Variants in AFF1 observed in about 807,000 individuals in gnomAD.
AFF1 encodes ALF transcription elongation factor 1, also known as AF4/FMR2 family member 1.
Under a neutral mutation model 121.7 loss-of-function variants are expected in AFF1, and 48 were observed. The ratio of observed to expected loss-of-function variants is 0.39; its 90% CI spans 0.31 to 0.50. The LOEUF (loss-of-function observed/expected upper bound fraction) is 0.50. Ranked by LOEUF, AFF1 falls within the 20% of genes least tolerant of loss-of-function variation. The pLI, the probability that AFF1 is intolerant of heterozygous loss-of-function variation, is 0.76. For synonymous variants in AFF1, 613 were observed against 563.0 expected, an observed-to-expected ratio of 1.09 and a Z score of -1.26; for missense variants, 1,523 against 1,511.7, an observed-to-expected ratio of 1.01 and a Z score of -0.12.
At chr4:86,987,490 T>C (rs995242372) in intron 2 of AFF1, among the ~76,000 whole-genome samples, 2 of 152,134 alleles carry the variant, frequency 1.3e-5, no homozygotes, top group Non-Finnish European at 2.9e-5. Flanking sequence ...ATGTATAGAC[T>C]GGGATGAGTT....
At position 87,047,040 on chromosome 4, in the gene AFF1, G is replaced by A. The variant is rs1160911300; in HGVS notation, c.505G>A (p.Asp169Asn). The change falls in exon 4 of 21, where the codon GAT (aspartate) becomes AAT (asparagine). Residue 169 changes from aspartate to asparagine, a missense_variant. Physicochemically the swap from Asp to Asn is conservative, Grantham distance 23 (BLOSUM62 1). Coordinates refer to ENST00000395146, the MANE Select transcript of AFF1 (RefSeq NM_001166693.3). ...ACCGGACAGCCAGCACCTGACCCAG[G>A]ATCGCCTTGGTCAGGAGGGGTTCGG... ...GPPDSQHLTQ[D>N]RLGQEGFGSS... 1 of 1,614,040 alleles carries A rather than the reference G, an allele frequency of 6.2e-7. No homozygotes were observed. The highest frequency in any genetic ancestry group is 1.3e-5 in the African/African-American group (1 of 74,910).
rs140499367 is a variant in AFF1 at position 86,958,915 on chromosome 4, G to A, written c.38+10344G>A. ...TATGTCCTACTTCTTGGATTTGTTTGTTTCCTATTAATGCGTTTAACTTGT... is the reference window on the plus strand; with the variant it reads ...TATGTCCTACTTCTTGGATTTGTTTATTTCCTATTAATGCGTTTAACTTGT... On this transcript the variant is annotated intron_variant, in intron 2 of 20. Transcript: ENST00000395146. 1.9e-3 allele frequency among the ~76,000 whole-genome samples: 293 copies of A among 152,198 alleles called. 2 individuals are homozygous for A. Among genetic ancestry groups the A allele is most frequent in the Admixed American group, 5.4e-3 (83 of 15,296 alleles).
intron 2 of AFF1, among the ~76,000 whole-genome samples, chr4:86,959,643 C>A (rs1003271424): frequency 1.4e-4 from 22 of 152,032 alleles, no homozygotes; most frequent in Non-Finnish European, 5.9e-5. Flanking sequence ...CAGAGTTGCC[C>A]TAAGGGAGGG....
At chr4:86,947,756 T>C (rs1029181491) in intron 1 of AFF1, among the ~76,000 whole-genome samples, 5 of 152,020 alleles carry the variant, frequency 3.3e-5, no homozygotes, top group Non-Finnish European at 5.9e-5. Flanking sequence ...TAATAATTTT[T>C]CCCCCAAATT....
intron 2 of AFF1, among the ~76,000 whole-genome samples, chr4:87,002,425 G>GTTTTTT (rs3035506): frequency 5.9e-5 from 4 of 68,178 alleles, no homozygotes; most frequent in Admixed American, 2.0e-4. Flanking sequence ...GGGCAATGAA[G>GTTTTTT]TTTTTTTTTT....
At chr4:87,013,839 C>A (rs766158081) in intron 2 of AFF1, among the ~76,000 whole-genome samples, 1 of 152,010 alleles carries the variant, frequency 6.6e-6, no homozygotes, top group Non-Finnish European at 1.5e-5. Flanking sequence ...TGCTCCCCCT[C>A]CCCCAGAGAT....
intron 2 of AFF1, among the ~76,000 whole-genome samples, chr4:87,012,757 C>G (rs556006422): frequency 4.6e-5 from 7 of 152,330 alleles, no homozygotes; most frequent in Admixed American, 3.9e-4. Flanking sequence ...ACTTTTGGTG[C>G]TAATGCCCCA....
Position 86,980,274 on chromosome 4 carries a change from TTACAAACTATA to T in AFF1, c.38+31705_38+31715del, listed in dbSNP as rs577272785. ...AAAAAAATGTCCAGAAGTCTATTCA[TTACAAACTATA>T]TGTAATAGCAAAAGAGTGGAAAAAT... is the stretch of plus-strand genomic sequence containing the variant. On this transcript the variant is annotated intron_variant, in intron 2 of 20. Coordinates refer to ENST00000395146, the MANE Select transcript of AFF1 (RefSeq NM_001166693.3). Among the ~76,000 whole-genome samples, 154 of 152,308 alleles carry T rather than the reference TTACAAACTATA, an allele frequency of 1.0e-3. 3 individuals carry two copies. Among genetic ancestry groups the T allele is most frequent in the Admixed American group, 8.8e-3 (134 of 15,292 alleles).
intron 2 of AFF1, among the ~76,000 whole-genome samples, chr4:87,017,514 C>A (rs1455157464): frequency 1.3e-5 from 2 of 152,078 alleles, no homozygotes; most frequent in Non-Finnish European, 2.9e-5. Context: ...TGATTATTGT[C>A]AAAGTAGTAA....
chr4:87,110,461 GTTTTGTTTTGT>G (rs1041741546), intron 11 of AFF1, among the ~76,000 whole-genome samples: 25 of 143,376 alleles, frequency 1.7e-4, no homozygotes, highest in African/African-American at 4.8e-4. Context: ...GTTTTGTTTT[GTTTTGTTTTGT>G]TTTGTTTTGT....
chr4:87,060,300 T>C (rs1431675234), intron 4 of AFF1, among the ~76,000 whole-genome samples: 1 of 152,220 alleles, frequency 6.6e-6, no homozygotes, highest in African/African-American at 2.4e-5. Flanking sequence ...TATGCATCTG[T>C]CTCATATATA....
intron 12 of AFF1, among the ~76,000 whole-genome samples, chr4:87,117,201 T>C (rs1727214782): frequency 6.6e-6 from 1 of 152,234 alleles, no homozygotes. Context: ...CTCTCACTGT[T>C]GACTGTGGGA....
rs562860746 is a variant in AFF1 at position 87,035,845 on chromosome 4, G to T, written c.39-10321G>T. On this transcript the variant is annotated intron_variant, in intron 2 of 20. Transcript: ENST00000395146. The stretch of plus-strand genomic sequence containing the variant: ...TAAAGGAAGAAAGCATTAAGAAAAA[G>T]ACTTTAAGCTTGCTTGTCTACATTC... Among the ~76,000 whole-genome samples, 125 of 152,322 alleles carry T rather than the reference G, an allele frequency of 8.2e-4. 1 individual carries two copies. Among genetic ancestry groups the T allele is most frequent in the Non-Finnish European group, 1.4e-3 (95 of 68,020 alleles).
rs750417877 is a variant in AFF1, at chr4:87,139,239, A to G, written c.*3538A>G. ...GTTTCGCCATGGCTTCAGGGATGCTACATGGCTCTTGCACCTTTTACTCCT... is the reference window on the plus strand; with the variant it reads ...GTTTCGCCATGGCTTCAGGGATGCTGCATGGCTCTTGCACCTTTTACTCCT... On this transcript the variant is annotated 3_prime_UTR_variant, in exon 21 of 21. Coordinates refer to ENST00000395146, the MANE Select transcript of AFF1 (RefSeq NM_001166693.3). 3.4e-5 allele frequency: 8 copies of G among 232,612 alleles called. No homozygotes were observed. Among genetic ancestry groups the G allele is most frequent in the Non-Finnish European group, 5.9e-5 (7 of 117,718 alleles). 14.4% of individuals were successfully genotyped at this position (232,612 alleles called of 1,614,324 possible).
At chr4:87,072,245 C>A (rs1316575357) in intron 4 of AFF1, among the ~76,000 whole-genome samples, 1 of 151,578 alleles carries the variant, frequency 6.6e-6, no homozygotes, top group African/African-American at 2.4e-5. Flanking sequence ...CGCCTGTAGT[C>A]CCAGCTACTC....
chr4:87,064,505 GC>G (rs1382518868), intron 4 of AFF1, among the ~76,000 whole-genome samples: 1 of 152,220 alleles, frequency 6.6e-6, no homozygotes, highest in Non-Finnish European at 1.5e-5. Flanking sequence ...ACTTTGGGAA[GC>G]CGAGGCAGGA....
intron 12 of AFF1, 133 bp downstream of exon 12, chr4:87,115,432 T>A: frequency 1.1e-6 from 1 of 944,474 alleles, no homozygotes. Flanking sequence ...CGCTGTAGCC[T>A]TTGCATCTTC....
chr4:87,041,537 T>C (rs1462164084), intron 2 of AFF1, among the ~76,000 whole-genome samples: 1 of 152,204 alleles, frequency 6.6e-6, no homozygotes, highest in Non-Finnish European at 1.5e-5. Context: ...TTTGAGAACC[T>C]CTTAGCTAAT....
chr4:87,012,854 C>A (rs1197704237), intron 2 of AFF1, among the ~76,000 whole-genome samples: 3 of 152,024 alleles, frequency 2.0e-5, no homozygotes, highest in Non-Finnish European at 4.4e-5. Flanking sequence ...AGAATCCCTC[C>A]CCTGTGCAAA....
Sources: gnomAD v4.1 joint callset for allele counts (sites outside exome capture counted in the v4.1 genomes callset) on GRCh38, gnomAD v4.1.1 for gene constraint, MANE v1.5 for transcripts, NCBI Gene and HGNC (gene_info 2026-07-23, HGNC 2026-07-21) for gene names.